CNTN4: variants seen among roughly 807,000 people sequenced by gnomAD.
CNTN4 encodes the protein contactin-4.
A neutral mutation model predicts 122.5 loss-of-function variants in CNTN4; 77 were observed. That is an observed-to-expected ratio of 0.63 (90% CI 0.52 to 0.76). The LOEUF (loss-of-function observed/expected upper bound fraction) is 0.76, where lower values mean the gene tolerates loss of function less well. CNTN4 is among the 30% of genes least tolerant of loss of function. The pLI is 0.00. For missense variants in CNTN4, 1,256 were observed against 1,259.1 expected (o/e 1.00, Z 0.04); for synonymous variants, 512 against 447.0 (o/e 1.15, Z -1.83).
chr3:2,554,617 A>G (rs2078646406), intron 3 of CNTN4, among the ~76,000 whole-genome samples: 1 of 152,136 alleles, frequency 6.6e-6, no homozygotes. Context: ...TATATTTTTT[A>G]TTTTATAGGC....
At chr3:2,804,829 C>G (rs1399349172) in intron 6 of CNTN4, among the ~76,000 whole-genome samples, 1 of 151,876 alleles carries the variant, frequency 6.6e-6, no homozygotes, top group African/African-American at 2.4e-5. Context: ...TCCAAAGTAG[C>G]TGGAATTATA....
chr3:2,950,890 G>A lies in CNTN4; in HGVS notation c.1358+25111G>A, dbSNP rs79894065. The stretch of plus-strand genomic sequence containing the variant: ...TAGACCTTACATTTCATGACAACAC[G>A]AGTTGCCTATCTTGATCATTGTCAT... On this transcript the variant is annotated intron_variant, in intron 13 of 24. Coordinates refer to ENST00000418658, the MANE Select transcript of CNTN4 (RefSeq NM_175607.3). 3.9e-4 allele frequency among the ~76,000 whole-genome samples: 59 copies of A among 152,262 alleles called. 1 individual carries two copies. In the East Asian group the frequency reaches 8.1e-3, roughly 21 times the overall value.
intron 2 of CNTN4, among the ~76,000 whole-genome samples, chr3:2,193,716 C>A (rs2037699332): frequency 6.6e-6 from 1 of 152,200 alleles, no homozygotes; most frequent in Non-Finnish European, 1.5e-5. Flanking sequence ...GATTATAATG[C>A]ATCACATATG....
intron 2 of CNTN4, among the ~76,000 whole-genome samples, chr3:2,327,115 A>G (rs1304564004): frequency 3.3e-5 from 5 of 149,564 alleles, no homozygotes; most frequent in African/African-American, 9.9e-5. Context: ...GTCTAGAATT[A>G]CAGACTCCTG....
intron 2 of CNTN4, among the ~76,000 whole-genome samples, chr3:2,104,639 A>G (rs982751892): frequency 2.0e-5 from 3 of 152,204 alleles, no homozygotes; most frequent in African/African-American, 7.2e-5. Context: ...AGTGGTTGTC[A>G]TGACTTCTGC....
intron 6 of CNTN4, among the ~76,000 whole-genome samples, chr3:2,749,328 G>GTTTTTTTT (rs11381094): frequency 1.5e-5 from 2 of 135,676 alleles, no homozygotes; most frequent in Non-Finnish European, 3.1e-5. Flanking sequence ...GCCCAGATAA[G>GTTTTTTTT]TTTTTTTTTT....
At chr3:2,223,203 T>C (rs2039131489) in intron 2 of CNTN4, among the ~76,000 whole-genome samples, 1 of 152,194 alleles carries the variant, frequency 6.6e-6, no homozygotes, top group Non-Finnish European at 1.5e-5. Flanking sequence ...ACTCCTTTAC[T>C]GTTCTAGGTG....
chr3:2,544,005 T>G (rs1445877588), intron 3 of CNTN4, among the ~76,000 whole-genome samples: 1 of 152,112 alleles, frequency 6.6e-6, no homozygotes, highest in Non-Finnish European at 1.5e-5. Flanking sequence ...CTTTTTTCCT[T>G]TGAGAACACA....
intron 2 of CNTN4, among the ~76,000 whole-genome samples, chr3:2,219,488 G>A (rs2038976462): frequency 6.6e-6 from 1 of 152,068 alleles, no homozygotes; most frequent in Non-Finnish European, 1.5e-5. Context: ...TCAGGCCATT[G>A]CATCCTTTTC....
chr3:2,901,461 T>C (rs1013023301), intron 11 of CNTN4, among the ~76,000 whole-genome samples: 4 of 152,136 alleles, frequency 2.6e-5, no homozygotes, highest in Non-Finnish European at 5.9e-5. Context: ...GAAAGGGGAC[T>C]GTTTTGCCTA....
intron 2 of CNTN4, among the ~76,000 whole-genome samples, chr3:2,277,961 A>T (rs2041580427): frequency 6.6e-6 from 1 of 152,194 alleles, no homozygotes; most frequent in African/African-American, 2.4e-5. Context: ...AGAAAATTGT[A>T]AATCAAAAGT....
intron 23 of CNTN4, among the ~76,000 whole-genome samples, chr3:3,046,546 A>G (rs1700676954): frequency 6.6e-6 from 1 of 152,150 alleles, no homozygotes. Flanking sequence ...TCAGTGAAGG[A>G]GAAATAAAAT....
intron 2 of CNTN4, among the ~76,000 whole-genome samples, chr3:2,269,249 A>G (rs2041173300): frequency 6.6e-6 from 1 of 152,122 alleles, no homozygotes; most frequent in African/African-American, 2.4e-5. Context: ...GATTGCACAA[A>G]TTCACTACAT....
intron 3 of CNTN4, among the ~76,000 whole-genome samples, chr3:2,366,631 G>A (rs1032492510): frequency 2.0e-5 from 3 of 151,988 alleles, no homozygotes; most frequent in South Asian, 2.1e-4. Flanking sequence ...GGAAACTGAG[G>A]CAGGAGAATC....
chr3:2,649,982 T>C (rs1265114322), intron 4 of CNTN4, among the ~76,000 whole-genome samples: 1 of 148,988 alleles, frequency 6.7e-6, no homozygotes, highest in Non-Finnish European at 1.5e-5. Context: ...CAAATATATC[T>C]ATCTATAGAT....
chr3:2,555,637 A>C (rs2078688166), intron 3 of CNTN4, among the ~76,000 whole-genome samples: 1 of 152,184 alleles, frequency 6.6e-6, no homozygotes, highest in Admixed American at 6.5e-5. Flanking sequence ...ACAGAAGGGA[A>C]GAGAGAGGGG....
chr3:2,605,354 G>A (rs935253149), intron 4 of CNTN4, among the ~76,000 whole-genome samples: 1 of 152,186 alleles, frequency 6.6e-6, no homozygotes, highest in African/African-American at 2.4e-5. Flanking sequence ...AGTGTTAGGA[G>A]GTGGGAGAAG....
intron 3 of CNTN4, among the ~76,000 whole-genome samples, chr3:2,480,597 C>G (rs866197331): frequency 1.3e-5 from 2 of 152,124 alleles, no homozygotes; most frequent in South Asian, 4.1e-4. Flanking sequence ...AACTAGAAAA[C>G]TCTGATAAAA....
intron 6 of CNTN4, among the ~76,000 whole-genome samples, chr3:2,747,365 C>A (rs1314034888): frequency 6.7e-6 from 1 of 150,054 alleles, no homozygotes; most frequent in Non-Finnish European, 1.5e-5. Context: ...GCCGAGATGG[C>A]GCCACTGGAC....
Sources: allele counts gnomAD v4.1 joint callset (sites outside exome capture counted in the v4.1 genomes callset), GRCh38; gene constraint gnomAD v4.1.1; transcripts MANE v1.5; gene names NCBI Gene and HGNC (gene_info 2026-07-23, HGNC 2026-07-21).